Variants in TET3 observed in about 807,000 individuals in gnomAD.
The protein encoded by TET3 is tet methylcytosine dioxygenase 3, also known as methylcytosine dioxygenase TET3.
A neutral mutation model predicts 141.4 loss-of-function variants in TET3; 19 were observed. That is an observed-to-expected ratio of 0.13 (90% CI 0.09 to 0.20). TET3 has a LOEUF of 0.20. TET3 is among the 10% of genes least tolerant of loss of function. The pLI is 1.00. For missense variants in TET3, 1,874 were observed against 2,356.9 expected (o/e 0.80, Z 4.24); for synonymous variants, 1,043 against 980.9 (o/e 1.06, Z -1.18).
At chr2:74,048,964 G>T (rs1687796574) in intron 4 of TET3, among the ~76,000 whole-genome samples, 1 of 152,168 alleles carries the variant, frequency 6.6e-6, no homozygotes, top group Non-Finnish European at 1.5e-5. Flanking sequence ...AGCTCCTGAG[G>T]ATTTTAAAGC....
chr2:74,091,722 C>A (rs1277870637), intron 8 of TET3, among the ~76,000 whole-genome samples: 3 of 152,210 alleles, frequency 2.0e-5, no homozygotes, highest in African/African-American at 7.2e-5. Context: ...TTTTCTCTTT[C>A]CTCTCTTCCT....
intron 2 of TET3, among the ~76,000 whole-genome samples, chr2:74,000,238 T>C (rs1204656303): frequency 6.6e-6 from 1 of 152,168 alleles, no homozygotes; most frequent in Non-Finnish European, 1.5e-5. Context: ...CCTCCACTTC[T>C]CAGTGCCCAG....
At chr2:74,080,388 G>A (rs887638119) in intron 5 of TET3, 110 bp from the exon 6 acceptor site, 10 of 918,196 alleles carry the variant, frequency 1.1e-5, no homozygotes, top group African/African-American at 8.3e-5. Context: ...TGTTGCCCCC[G>A]ACGGTAACCA....
chr2:74,048,784 G>A (rs943613933), intron 4 of TET3, among the ~76,000 whole-genome samples: 59 of 152,290 alleles, frequency 3.9e-4, no homozygotes, highest in Admixed American at 3.4e-3. Flanking sequence ...ATGAGGGAGT[G>A]GAACTTACTT....
Position 74,105,163 on chromosome 2 carries a change from A to G in TET3, c.*2987A>G. The G allele has an allele frequency of 2.5e-6, 1 of 398,644 alleles. No individual in the cohort carries two copies. The highest frequency in any genetic ancestry group is 4.4e-6 in the Non-Finnish European group (1 of 226,056). 24.7% of individuals were successfully genotyped at this position (398,644 alleles called of 1,614,324 possible). A position where few individuals can be genotyped will look rare whatever the true frequency, so the allele number is the denominator to read the frequency against. ...ACATTTTTATCATGAGAAGAAAAATAAAGCCATTGCAACTAAAGAACCTAA... is the reference window on the plus strand; with the variant it reads ...ACATTTTTATCATGAGAAGAAAAATGAAGCCATTGCAACTAAAGAACCTAA... On this transcript the variant is annotated 3_prime_UTR_variant, in exon 12 of 12. Coordinates refer to ENST00000409262, the MANE Select transcript of TET3 (RefSeq NM_001287491.2).
the TET3 span, among the ~76,000 whole-genome samples, chr2:74,124,065 G>A: frequency 6.6e-6 from 1 of 151,064 alleles, no homozygotes; most frequent in South Asian, 2.1e-4. Context: ...CCGCCCGGCA[G>A]CCGCCCCATC....
At chr2:73,996,027 T>G (rs1684576069) in intron 2 of TET3, among the ~76,000 whole-genome samples, 1 of 152,018 alleles carries the variant, frequency 6.6e-6, no homozygotes, top group Non-Finnish European at 1.5e-5. Context: ...GGAAAATGAC[T>G]CCTCCCCACC....
upstream of TET3, among the ~76,000 whole-genome samples, chr2:73,983,704 C>G (rs1354657334): frequency 6.6e-6 from 1 of 152,194 alleles, no homozygotes; most frequent in Non-Finnish European, 1.5e-5. Context: ...CCAGTTCTGG[C>G]TAAGCTGTTA....
rs770400199 is a variant in TET3, at chr2:74,100,734, G to C, written c.3946G>C (p.Glu1316Gln). ...GCACAGTGGCAGCAGTGGCAGTTTT[G>C]AGAAGAAGCCAGACCTCCACGCTCT... is the stretch of plus-strand genomic sequence containing the variant. The part of the protein sequence containing the change: ...WGHSGSSGSF[E>Q]KKPDLHALHN... The change falls in exon 12 of 12, where the codon GAG becomes CAG. Residue 1316 changes from glutamate to glutamine, a missense_variant. Around this residue, in one of 10 missense-constraint regions of TET3, gnomAD observed 602 missense variants for 590.2 expected, o/e 1.02. Transcript: ENST00000409262. 6.2e-7 allele frequency: 1 copy of C among 1,613,910 alleles called. No homozygotes were observed. Among genetic ancestry groups the C allele is most frequent in the Non-Finnish European group, 8.5e-7 (1 of 1,179,868 alleles).
At chr2:74,132,625 A>C in the TET3 span, among the ~76,000 whole-genome samples, 32 of 152,186 alleles carry the variant, frequency 2.1e-4, no homozygotes, top group Non-Finnish European at 3.1e-4. Flanking sequence ...GGCTCAAGCA[A>C]TTCTCCCATC....
chr2:74,134,377 A>T, the TET3 span: 3 of 255,604 alleles, frequency 1.2e-5, no homozygotes, highest in South Asian at 1.4e-4. Flanking sequence ...TCCCAACCCC[A>T]CTGTGCAGAT....
At chr2:74,028,468 T>C (rs1231811270) in intron 3 of TET3, among the ~76,000 whole-genome samples, 3 of 152,214 alleles carry the variant, frequency 2.0e-5, no homozygotes, top group Non-Finnish European at 2.9e-5. Flanking sequence ...GGGTCTTTGA[T>C]CCATTTTGAG....
chr2:74,009,099 G>A (rs767448615), intron 3 of TET3, among the ~76,000 whole-genome samples: 4 of 152,130 alleles, frequency 2.6e-5, no homozygotes, highest in Non-Finnish European at 5.9e-5. Flanking sequence ...CAAAATCCTT[G>A]TCCCCAGGAG....
At chr2:74,130,831 A>G in the TET3 span, 1 of 152,206 alleles carries the variant, frequency 6.6e-6, no homozygotes, top group African/African-American at 2.4e-5. Context: ...CGCGCAGGCC[A>G]CGTCGGGCCT....
At position 74,093,773 on chromosome 2, in the gene TET3, A is replaced by C; in HGVS notation, c.3267+107A>C. ...TGAGGGTAGGGAGGGACCTGGAGAC[A>C]GGATCCTCAGAACTCTGGAAGGTTC... On this transcript the variant is annotated intron_variant, in intron 10 of 11. Coordinates refer to ENST00000409262, the MANE Select transcript of TET3 (RefSeq NM_001287491.2). This position sits in a 1 kb window ranked among gnomAD's most constrained non-coding sequence, Gnocchi z 4.2. The C allele has an allele frequency of 7.3e-7, 1 of 1,364,004 alleles. No individual in the cohort carries two copies. Among genetic ancestry groups the C allele is most frequent in the East Asian group, 2.6e-5 (1 of 38,348 alleles). The allele number at this position is 1,364,004 out of a possible 1,614,324, so 84.5% of individuals were successfully genotyped here. A position where few individuals can be genotyped will look rare whatever the true frequency, so the allele number is the denominator to read the frequency against.
chr2:74,061,543 C>T (rs1688566427), intron 4 of TET3, among the ~76,000 whole-genome samples: 1 of 139,470 alleles, frequency 7.2e-6, no homozygotes, highest in South Asian at 2.3e-4. Flanking sequence ...TAGGGGCGGC[C>T]GGGCAGAGGC....
intron 3 of TET3, among the ~76,000 whole-genome samples, chr2:74,032,487 G>GCGCGCGCGCGCGCGATGGCCCCAGCGGC (rs1558730116): frequency 4.0e-5 from 6 of 150,460 alleles, no homozygotes; most frequent in Non-Finnish European, 5.9e-5. Context: ...GTGTGTGTGT[G>GCGCGCGCGCGCGCGATGGCCCCAGCGGC]TGTGTGTGTG....
intron 10 of TET3, among the ~76,000 whole-genome samples, chr2:74,098,813 C>T (rs933049014): frequency 4.6e-5 from 7 of 152,106 alleles, no homozygotes; most frequent in African/African-American, 9.7e-5. Context: ...AGGCTAGTCT[C>T]GACCTCCTGA....
In TET3 at chr2:74,100,397, G is replaced by A; in HGVS notation, c.3609G>A (p.Leu1203=). ...ELAGITSDPG[L]SLKGGLSQQG... ...TCTTGCCTTCTGTTTCCCCAGGCCT[G>A]TCTCTGAAGGGTGGATTGTCCCAGC... The change falls in exon 12 of 12, where the codon CTG becomes CTA. Residue 1203 remains leucine (L), a synonymous_variant. Coordinates refer to ENST00000409262, the MANE Select transcript of TET3 (RefSeq NM_001287491.2). 10 of 1,559,924 alleles carry A rather than the reference G, an allele frequency of 6.4e-6. No homozygotes were observed. Among genetic ancestry groups the A allele is most frequent in the Non-Finnish European group, 6.9e-6 (8 of 1,151,752 alleles).
Sources: gnomAD v4.1 joint callset for allele counts (sites outside exome capture counted in the v4.1 genomes callset) on GRCh38, gnomAD v4.1.1 for gene constraint, gnomAD v4.1.1 regional missense constraint, Gnocchi (gnomAD v3.1) non-coding constraint, MANE v1.5 for transcripts, NCBI Gene and HGNC (gene_info 2026-07-23, HGNC 2026-07-21) for gene names.